Variants in CEP63 observed in about 807,000 individuals in gnomAD.
CEP63 encodes the protein centrosomal protein of 63 kDa.
CEP63 carries 84 observed loss-of-function variants against 89.1 expected under a neutral mutation model. The ratio of observed to expected loss-of-function variants is 0.94; its 90% CI spans 0.79 to 1.13. The LOEUF is 1.13. CEP63 is among the 50% of genes most tolerant of loss of function. The pLI is 0.00. For synonymous variants in CEP63, 267 were observed against 272.5 expected (o/e 0.98, Z 0.20); for missense variants, 838 against 813.3 (o/e 1.03, Z -0.37).
the CEP63 span, among the ~76,000 whole-genome samples, chr3:134,729,972 A>G: frequency 1 from 151,980 of 152,298 alleles, 75,835 homozygotes; most frequent in Middle Eastern, 1. Flanking sequence ...GCAAAAAAGG[A>G]ATGATGAGCT....
At chr3:134,721,057 G>A in the CEP63 span, among the ~76,000 whole-genome samples, 77,552 of 151,874 alleles carry the variant, frequency 0.51, 22,933 homozygotes, top group East Asian at 0.78. Context: ...GTTAATTTGG[G>A]GAGTATTGCC....
chr3:134,698,062 T>C, the CEP63 span, among the ~76,000 whole-genome samples: 1 of 152,212 alleles, frequency 6.6e-6, no homozygotes, highest in South Asian at 2.1e-4. Flanking sequence ...TCAGGGTGTC[T>C]GATGGGATGG....
chr3:134,687,378 AAC>A, the CEP63 span, among the ~76,000 whole-genome samples: 2 of 152,374 alleles, frequency 1.3e-5, no homozygotes, highest in Admixed American at 6.5e-5. Context: ...GACTGCAGCA[AAC>A]ACAGAGCGGT....
At chr3:134,569,985 A>G (rs749384842), downstream of CEP63, among the ~76,000 whole-genome samples, 1 of 152,194 alleles carries the variant, frequency 6.6e-6, no homozygotes, top group Admixed American at 6.5e-5. Context: ...CTCTGAAGCT[A>G]TGGCCTGAGC....
At chr3:134,614,467 C>T in the CEP63 span, among the ~76,000 whole-genome samples, 1 of 151,906 alleles carries the variant, frequency 6.6e-6, no homozygotes, top group Non-Finnish European at 1.5e-5. Flanking sequence ...AAGCTGCAGC[C>T]CCCACTCTCC....
the CEP63 span, among the ~76,000 whole-genome samples, chr3:134,612,603 A>G: frequency 1.3e-5 from 2 of 152,130 alleles, no homozygotes; most frequent in Non-Finnish European, 2.9e-5. Context: ...TAGACATTCT[A>G]TAGGAGGTGG....
At chr3:134,569,380 G>C (rs890251960), downstream of CEP63, among the ~76,000 whole-genome samples, 13 of 152,234 alleles carry the variant, frequency 8.5e-5, no homozygotes, top group African/African-American at 2.9e-4. Context: ...AGATACAATA[G>C]GGATACAGGC....
At chr3:134,766,661 T>C in the CEP63 span, among the ~76,000 whole-genome samples, 1 of 151,834 alleles carries the variant, frequency 6.6e-6, no homozygotes, top group African/African-American at 2.4e-5. Flanking sequence ...GTAAGGAGAG[T>C]GAGGCCGGAA....
Position 134,542,884 on chromosome 3 carries a change from A to T in CEP63, c.556-2702A>T, listed in dbSNP as rs866585161. Among the ~76,000 whole-genome samples, 5 of 151,720 alleles carry T rather than the reference A, an allele frequency of 3.3e-5. No homozygotes were observed. The East Asian group carries it at 7.8e-4, about 24-fold the overall frequency. On this transcript the variant is annotated intron_variant, in intron 6 of 14. Transcript: ENST00000675561. ...TCTACCCACTCCAATAGAATGCTAA[A>T]TGTTAGATTAATAAGAGGAATGCCT...
chr3:134,625,181 AG>A, the CEP63 span: 2 of 1,489,350 alleles, frequency 1.3e-6, no homozygotes, highest in Non-Finnish European at 1.8e-6. Flanking sequence ...CCCACTGAAG[AG>A]GGCTGCCTGG....
intron 10 of CEP63, among the ~76,000 whole-genome samples, chr3:134,583,332 A>C (rs1313823708): frequency 6.6e-6 from 1 of 152,158 alleles, no homozygotes; most frequent in Non-Finnish European, 1.5e-5. Context: ...TTAAGTCTTT[A>C]ATCCATCTTG....
chr3:134,687,261 T>C, the CEP63 span, among the ~76,000 whole-genome samples: 1 of 152,224 alleles, frequency 6.6e-6, no homozygotes, highest in African/African-American at 2.4e-5. Flanking sequence ...TCAGCAAGTG[T>C]GCCTTTATCT....
the CEP63 span, among the ~76,000 whole-genome samples, chr3:134,774,079 G>C: frequency 2.0e-5 from 3 of 152,178 alleles, no homozygotes; most frequent in African/African-American, 4.8e-5. Flanking sequence ...AGGCTTTCCT[G>C]GGGGTGGAAA....
At chr3:134,547,614 C>CTTTTTTTTTTTTTCTTTTTTT in intron 9 of CEP63, 142 bp downstream of exon 9, 1 of 268,922 alleles carries the variant, frequency 3.7e-6, no homozygotes, top group Non-Finnish European at 6.5e-6. Context: ...GTTCTTATTT[C>CTTTTTTTTTTTTTCTTTTTTT]TTTTTTTTTT....
chr3:134,772,595 A>C, the CEP63 span, among the ~76,000 whole-genome samples: 1 of 151,824 alleles, frequency 6.6e-6, no homozygotes. Flanking sequence ...TCTAGGACTC[A>C]GACCCCTGTG....
the CEP63 span, among the ~76,000 whole-genome samples, chr3:134,727,763 A>G: frequency 6.6e-6 from 1 of 152,208 alleles, no homozygotes; most frequent in Non-Finnish European, 1.5e-5. Context: ...GAAAATGTCT[A>G]TATGCATGTG....
In CEP63 at chr3:134,558,459, G is replaced by A. The variant is rs4309773; in HGVS notation, c.1673+112G>A. 537,171 of 790,182 alleles carry A rather than the reference G, an allele frequency of 0.68. 184,159 individuals carry two copies. The highest frequency in any genetic ancestry group is 0.78 in the East Asian group (29,357 of 37,400). 48.9% of individuals were successfully genotyped at this position (790,182 alleles called of 1,614,324 possible). A position where few individuals can be genotyped will look rare whatever the true frequency, so the allele number is the denominator to read the frequency against. On this transcript the variant is annotated intron_variant, in intron 13 of 14. Transcript: ENST00000675561. Reference sequence around the variant, plus strand: ...TTAAATCTTCATCAAAGGACTCTATGTTTAATTCTGAAGTATAGTGTGCAC... The same window carrying A: ...TTAAATCTTCATCAAAGGACTCTATATTTAATTCTGAAGTATAGTGTGCAC...
At chr3:134,532,215 C>G (rs546252396) in intron 4 of CEP63, among the ~76,000 whole-genome samples, 47 of 152,150 alleles carry the variant, frequency 3.1e-4, no homozygotes, top group Non-Finnish European at 6.3e-4. Flanking sequence ...CTGTGAAATA[C>G]TTGATACCAA....
At chr3:134,780,084 A>C in the CEP63 span, among the ~76,000 whole-genome samples, 1 of 152,004 alleles carries the variant, frequency 6.6e-6, no homozygotes, top group African/African-American at 2.4e-5. Context: ...AACCCTAGCT[A>C]TTGTCTGACT....
Sources: allele counts gnomAD v4.1 joint callset (sites outside exome capture counted in the v4.1 genomes callset), GRCh38; gene constraint gnomAD v4.1.1; transcripts MANE v1.5; gene names NCBI Gene and HGNC (gene_info 2026-07-23, HGNC 2026-07-21).